RFTN1: variants seen among roughly 807,000 people sequenced by gnomAD.
RFTN1 encodes the protein raftlin, lipid raft linker 1.
In RFTN1, 26 loss-of-function variants were observed where a neutral mutation model predicts 46.5. The ratio of observed to expected loss-of-function variants is 0.56; its 90% CI spans 0.41 to 0.78. The LOEUF is 0.78. Ranked by LOEUF, RFTN1 falls within the 30% of genes least tolerant of loss-of-function variation. The pLI is 0.00. For synonymous variants in RFTN1, 261 were observed against 284.2 expected, an observed-to-expected ratio of 0.92 and a Z score of 0.82; for missense variants, 693 against 718.7, an observed-to-expected ratio of 0.96 and a Z score of 0.41.
chr3:16,474,446 G>T lies in RFTN1; in HGVS notation c.145+19279C>A, dbSNP rs944905508. 3.9e-5 allele frequency among the ~76,000 whole-genome samples: 6 copies of T among 152,142 alleles called. No homozygotes were observed. The highest frequency in any genetic ancestry group is 3.3e-4 in the Admixed American group (5 of 15,274). On this transcript the variant is annotated intron_variant, in intron 2 of 9. Transcript: ENST00000334133. This position sits in a 1 kb window ranked among gnomAD's most constrained non-coding sequence, Gnocchi z 5.5. ...TAATTAGTGAATGCTGCTGCTATTT[G>T]CCCTCCTCCCCCAAGATAAACAAAG...
At chr3:16,510,956 T>A (rs2076891140) in intron 1 of RFTN1, among the ~76,000 whole-genome samples, 2 of 152,152 alleles carry the variant, frequency 1.3e-5, no homozygotes, top group Non-Finnish European at 2.9e-5. Flanking sequence ...CTCCGGAACA[T>A]AAGTCAGCAA....
intron 3 of RFTN1, among the ~76,000 whole-genome samples, chr3:16,414,767 G>A (rs1217782497): frequency 3.9e-5 from 6 of 152,074 alleles, no homozygotes; most frequent in Non-Finnish European, 2.9e-5. Context: ...GTAAGGGACC[G>A]GGCTCATCCA....
Position 16,351,252 on chromosome 3 carries a change from G to A in RFTN1, c.1146+6680C>T, listed in dbSNP as rs531471718. ...ACTGGTGGAGAGATTCCTGCAGCGCGCCAAGGACTGTGTCCTTGATCCAGT... is the reference window on the plus strand; with the variant it reads ...ACTGGTGGAGAGATTCCTGCAGCGCACCAAGGACTGTGTCCTTGATCCAGT... On this transcript the variant is annotated intron_variant, in intron 7 of 9. Coordinates refer to ENST00000334133, the MANE Select transcript of RFTN1 (RefSeq NM_015150.2). This position sits in a 1 kb window ranked among gnomAD's most constrained non-coding sequence, Gnocchi z 5.4. Among the ~76,000 whole-genome samples, 22 of 152,272 alleles carry A rather than the reference G, an allele frequency of 1.4e-4. No homozygotes were observed. Among genetic ancestry groups the A allele is most frequent in the South Asian group, 8.3e-4 (4 of 4,826 alleles).
rs1008376679 is a variant in RFTN1, at chr3:16,368,666, G to A, written c.1030+1410C>T. On this transcript the variant is annotated intron_variant, in intron 6 of 9. Transcript: ENST00000334133. ...AGCACTCCAGCCTGGGCGACAGAGC[G>A]AGACTCTGTCCAAAAAAAAAAAAGG... Among the ~76,000 whole-genome samples, 9 of 144,392 alleles carry A rather than the reference G, an allele frequency of 6.2e-5. No homozygotes were observed. The South Asian group carries it at 7.3e-4, about 12-fold the overall frequency. 94.7% of individuals were successfully genotyped at this position (144,392 alleles called of 152,430 possible).
chr3:16,508,801 C>T (rs1301948654), intron 1 of RFTN1, among the ~76,000 whole-genome samples: 1 of 148,814 alleles, frequency 6.7e-6, no homozygotes, highest in Non-Finnish European at 1.5e-5. Flanking sequence ...GAAGCCCTAG[C>T]CAAGTGTGTT....
intron 6 of RFTN1, among the ~76,000 whole-genome samples, chr3:16,366,829 G>A (rs2073208918): frequency 6.6e-6 from 1 of 152,154 alleles, no homozygotes; most frequent in South Asian, 2.1e-4. Flanking sequence ...TCATCACTAT[G>A]CCCCTCCTCT....
intron 8 of RFTN1, among the ~76,000 whole-genome samples, chr3:16,325,006 G>A (rs990433238): frequency 6.6e-6 from 1 of 151,984 alleles, no homozygotes; most frequent in African/African-American, 2.4e-5. Flanking sequence ...CCCAATCAGT[G>A]TGAGGCTATA....
intron 2 of RFTN1, among the ~76,000 whole-genome samples, chr3:16,456,786 A>G (rs899992146): frequency 6.6e-6 from 1 of 152,174 alleles, no homozygotes; most frequent in African/African-American, 2.4e-5. Context: ...TTGTCAAAGA[A>G]TAAGAGTGGA....
In RFTN1 at chr3:16,418,238, A is replaced by C. The variant is rs1460021093; in HGVS notation, c.333-8755T>G. 2.0e-5 allele frequency among the ~76,000 whole-genome samples: 3 copies of C among 152,236 alleles called. No individual in the cohort carries two copies. Among genetic ancestry groups the C allele is most frequent in the Non-Finnish European group, 2.9e-5 (2 of 68,028 alleles). On this transcript the variant is annotated intron_variant, in intron 3 of 9. Transcript: ENST00000334133. This position sits in a 1 kb window ranked among gnomAD's most constrained non-coding sequence, Gnocchi z 5.0. ...TCATGGGAAGATCTAAAATGAGGCC[A>C]CTAAAAAACAATTGCCTGTCGAAAA...
intron 4 of RFTN1, among the ~76,000 whole-genome samples, chr3:16,408,064 C>T (rs1378848375): frequency 2.0e-5 from 3 of 152,154 alleles, no homozygotes; most frequent in Non-Finnish European, 4.4e-5. Flanking sequence ...AACGGCTTCC[C>T]GCTGCCTTTA....
In RFTN1 at chr3:16,329,008, G is replaced by A. The variant is rs2070018752; in HGVS notation, c.1147-2132C>T. Among the ~76,000 whole-genome samples the A allele has an allele frequency of 6.6e-6, 1 of 152,238 alleles. No homozygotes were observed. The highest frequency in any genetic ancestry group is 2.1e-4 in the South Asian group (1 of 4,828). On this transcript the variant is annotated intron_variant, in intron 7 of 9. Transcript: ENST00000334133. This position sits in a 1 kb window ranked among gnomAD's most constrained non-coding sequence, Gnocchi z 4.5. ...AATGTATCCCCCAAAAAGTTTCCAT[G>A]TGTTGAAAACTTAATCCCCAATGCA...
chr3:16,320,567 A>G lies in RFTN1; in HGVS notation c.1332+2809T>C, dbSNP rs945848337. The stretch of plus-strand genomic sequence containing the variant: ...GGGAAGGATAAAATAATGATCACAA[A>G]TAACTAAAAGCCCAAAGGAGAGCTC... On this transcript the variant is annotated intron_variant, in intron 9 of 9. Transcript: ENST00000334133. This position sits in a 1 kb window ranked among gnomAD's most constrained non-coding sequence, Gnocchi z 4.5. 1.3e-5 allele frequency among the ~76,000 whole-genome samples: 2 copies of G among 152,246 alleles called. No homozygotes were observed. Among genetic ancestry groups the G allele is most frequent in the Non-Finnish European group, 2.9e-5 (2 of 68,048 alleles).
In RFTN1 at chr3:16,342,415, CAT is replaced by C. The variant is rs1207127598; in HGVS notation, c.1146+15515_1146+15516del. Among the ~76,000 whole-genome samples the C allele has an allele frequency of 6.6e-6, 1 of 151,920 alleles. No homozygotes were observed. Among genetic ancestry groups the C allele is most frequent in the African/African-American group, 2.4e-5 (1 of 41,330 alleles). On this transcript the variant is annotated intron_variant, in intron 7 of 9. Coordinates refer to ENST00000334133, the MANE Select transcript of RFTN1 (RefSeq NM_015150.2). This position sits in a 1 kb window ranked among gnomAD's most constrained non-coding sequence, Gnocchi z 4.0. ...ATAATATTCCATCATATGGATATAC[CAT>C]AGTTTATTCATCATTTGATGAACAT...
chr3:16,476,705 G>T (rs148254607), intron 2 of RFTN1, among the ~76,000 whole-genome samples: 10 of 152,274 alleles, frequency 6.6e-5, no homozygotes, highest in Non-Finnish European at 7.4e-5. Flanking sequence ...TGCTATAAGA[G>T]GTATTTGGAG....
rs1166055950 is a variant in RFTN1, at chr3:16,465,779, G to A, written c.145+27946C>T. 6.6e-6 allele frequency among the ~76,000 whole-genome samples: 1 copy of A among 152,156 alleles called. No homozygotes were observed. The highest frequency in any genetic ancestry group is 2.4e-5 in the African/African-American group (1 of 41,432). ...GCTGAGCAGGGGATGTCCACATCTTGCCAACCCTGGAGCTCCATTTTCCCA... is the reference window on the plus strand; with the variant it reads ...GCTGAGCAGGGGATGTCCACATCTTACCAACCCTGGAGCTCCATTTTCCCA... On this transcript the variant is annotated intron_variant, in intron 2 of 9. Transcript: ENST00000334133. This position sits in a 1 kb window ranked among gnomAD's most constrained non-coding sequence, Gnocchi z 5.1.
chr3:16,460,560 A>AAACCTC lies in RFTN1; in HGVS notation c.146-26529_146-26524dup, dbSNP rs1477997610. ...CAACCAACGCCGCTGTCCAAAACCAAAACCTCACATTTCAAGCAGAGGCTG... is the reference window on the plus strand; with the variant it reads ...CAACCAACGCCGCTGTCCAAAACCAAAACCTCAACCTCACATTTCAAGCAGAGGCTG... On this transcript the variant is annotated intron_variant, in intron 2 of 9. Transcript: ENST00000334133. The surrounding 1 kb of genome is among the most constrained non-coding windows in gnomAD (Gnocchi z 4.8). 6.6e-6 allele frequency among the ~76,000 whole-genome samples: 1 copy of AAACCTC among 152,156 alleles called. No homozygotes were observed. The highest frequency in any genetic ancestry group is 1.5e-5 in the Non-Finnish European group (1 of 68,032).
chr3:16,469,115 A>C (rs537516482), intron 2 of RFTN1, among the ~76,000 whole-genome samples: 1 of 152,382 alleles, frequency 6.6e-6, no homozygotes, highest in Admixed American at 6.5e-5. Flanking sequence ...AAAAATATCT[A>C]GCTGTCTATT....
chr3:16,416,185 G>C, intron 3 of RFTN1: 1 of 456,286 alleles, frequency 2.2e-6, no homozygotes, highest in Non-Finnish European at 4.4e-6. Flanking sequence ...GAGAATAAAA[G>C]GGTACTACTG....
Position 16,409,468 on chromosome 3 carries a change from A to T in RFTN1, c.348T>A (p.Asp116Glu). 1 of 1,611,746 alleles carries T rather than the reference A, an allele frequency of 6.2e-7. No homozygotes were observed. Among genetic ancestry groups the T allele is most frequent in the East Asian group, 2.2e-5 (1 of 44,862 alleles). Residue 116 changes from aspartate (D) to glutamate (E), a missense_variant, in exon 4 of 10, where the codon GAT becomes GAA. Coordinates refer to ENST00000334133, the MANE Select transcript of RFTN1 (RefSeq NM_015150.2). Reference sequence around the variant, plus strand: ...CCAAGATGTAGCCTTCATTGTGAAGATCAGTTTTCTGAGATCTGAAGAGAA... The same window carrying T: ...CCAAGATGTAGCCTTCATTGTGAAGTTCAGTTTTCTGAGATCTGAAGAGAA... ...IKKTDRSQKT[D>E]LHNEGYILEL...
Sources: gnomAD v4.1 joint callset for allele counts (sites outside exome capture counted in the v4.1 genomes callset) on GRCh38, gnomAD v4.1.1 for gene constraint, Gnocchi (gnomAD v3.1) non-coding constraint, MANE v1.5 for transcripts, NCBI Gene and HGNC (gene_info 2026-07-23, HGNC 2026-07-21) for gene names.